TTC34: variants seen among roughly 807,000 people sequenced by gnomAD.
TTC34 encodes the protein tetratricopeptide repeat protein 34.
TTC34 carries 44 observed loss-of-function variants against 40.7 expected under a neutral mutation model. That is an observed-to-expected ratio of 1.08 (90% confidence interval 0.85 to 1.39). The LOEUF (loss-of-function observed/expected upper bound fraction) is 1.39. Among genes scored for constraint, TTC34 ranks in the 40% most tolerant of loss-of-function variants. The pLI is 0.00. For synonymous variants in TTC34, 422 were observed against 398.6 expected (o/e 1.06, Z -0.70); for missense variants, 884 against 838.0 (o/e 1.05, Z -0.68).
rs1344514981 is a variant in TTC34 at position 2,775,167 on chromosome 1, C to T, written c.2226+8442G>A. 14 of 130,040 alleles carry T rather than the reference C, an allele frequency of 1.1e-4. No individual in the cohort carries two copies. The Middle Eastern group carries it at 0.024, about 219-fold the overall frequency. The allele number at this position is 130,040 out of a possible 1,614,324, so 8.1% of individuals were successfully genotyped here. On this transcript the variant is annotated intron_variant, in intron 6 of 8. Coordinates refer to ENST00000401095, the Ensembl canonical transcript of TTC34. ...CCCACTCTTCCAGGTGAGAATCTGA[C>T]GCATAAAACAGCACCCTGCAACCCC...
chr1:2,641,198 T>TGTGGGGAGGGTTGGGAAGGGGTG, exon 9 of TTC34: 1 of 309,624 alleles, frequency 3.2e-6, no homozygotes, highest in South Asian at 7.4e-5. Context: ...GGAAGGGGGG[T>TGTGGGGAGGGTTGGGAAGGGGTG]TGTGGGGAGG....
chr1:2,677,718 A>G (rs1570793106), intron 6 of TTC34, among the ~76,000 whole-genome samples: 91 of 149,078 alleles, frequency 6.1e-4, no homozygotes, highest in South Asian at 8.5e-4. Flanking sequence ...ACAGCCTGGA[A>G]CAGCACCCTG....
chr1:2,749,504 GCCTGGAGCAGCACCCAGATTC>G (rs1641248268), intron 6 of TTC34, among the ~76,000 whole-genome samples: 2 of 67,554 alleles, frequency 3.0e-5, no homozygotes, highest in Non-Finnish European at 2.6e-5. Context: ...GCATTGGACA[GCCTGGAGCAGCACCCAGATTC>G]CCAGGCAAGC....
intron 6 of TTC34, among the ~76,000 whole-genome samples, chr1:2,684,856 C>G (rs1320100748): frequency 6.0e-5 from 7 of 116,160 alleles, no homozygotes; most frequent in Non-Finnish European, 1.0e-4. Context: ...GAGCATCTGA[C>G]AGCCTGGAGC....
chr1:2,652,065 C>T (rs55738582), intron 6 of TTC34, among the ~76,000 whole-genome samples: 4 of 32,346 alleles, frequency 1.2e-4, no homozygotes, highest in Admixed American at 3.6e-4. Context: ...CATCTGACAG[C>T]CTGGAGGAGC....
intron 6 of TTC34, among the ~76,000 whole-genome samples, chr1:2,779,053 C>T (rs777625151): frequency 3.3e-5 from 5 of 152,186 alleles, no homozygotes; most frequent in South Asian, 2.1e-4. Context: ...TTTTGCTGAG[C>T]ACAATGTCCT....
intron 6 of TTC34, among the ~76,000 whole-genome samples, chr1:2,684,538 C>G (rs1048712293): frequency 7.0e-6 from 1 of 142,596 alleles, no homozygotes; most frequent in Non-Finnish European, 1.5e-5. Flanking sequence ...CATCCGACAT[C>G]CTGAAACAGC....
chr1:2,791,875 C>G (rs984027028), intron 2 of TTC34, among the ~76,000 whole-genome samples: 4 of 151,942 alleles, frequency 2.6e-5, no homozygotes, highest in African/African-American at 9.7e-5. Context: ...GGTCACCCAG[C>G]CTCTGTTCAT....
exon 6 of TTC34, chr1:2,783,699 G>A (rs780693987): frequency 2.0e-5 from 31 of 1,545,428 alleles, no homozygotes; most frequent in Admixed American, 7.9e-5. Flanking sequence ...TGTTGAAGTC[G>A]AACATGGCCG....
rs747631610 is a variant in TTC34, at chr1:2,783,768, C to T, written c.2067G>A (p.Gln689=). The T allele has an allele frequency of 2.7e-6, 4 of 1,505,874 alleles. No individual in the cohort carries two copies. In the South Asian group the frequency reaches 5.2e-5, roughly 20 times the overall value. The allele number at this position is 1,505,874 out of a possible 1,614,324, so 93.3% of individuals were successfully genotyped here. Reference sequence around the variant, plus strand: ...CTCGGGCAAGGAGGGACTCACTTGCCTGGCTTCCTGCAGGAAGACGGCATG... The same window carrying T: ...CTCGGGCAAGGAGGGACTCACTTGCTTGGCTTCCTGCAGGAAGACGGCATG... The change falls in exon 6 of 9, where the codon CAG becomes CAA. Residue 689 remains glutamine, a synonymous_variant. Coordinates refer to ENST00000401095, the Ensembl canonical transcript of TTC34.
chr1:2,685,215 G>C (rs1267432685), intron 6 of TTC34, among the ~76,000 whole-genome samples: 2 of 136,450 alleles, frequency 1.5e-5, no homozygotes, highest in Admixed American at 7.5e-5. Flanking sequence ...GTGAGCATCT[G>C]ACATCGTGGA....
intron 6 of TTC34, among the ~76,000 whole-genome samples, chr1:2,648,108 G>A (rs767382295): frequency 1.3e-5 from 2 of 151,928 alleles, no homozygotes; most frequent in African/African-American, 2.4e-5. Context: ...AAAAGCCCCT[G>A]TGTGTAAATT....
At chr1:2,692,296 C>A (rs1191752218) in intron 6 of TTC34, among the ~76,000 whole-genome samples, 1 of 73,952 alleles carries the variant, frequency 1.4e-5, no homozygotes, top group African/African-American at 4.4e-5. Context: ...CCTGGAGCAG[C>A]AGGCACACCC....
At chr1:2,758,434 C>A (rs1260054495) in intron 6 of TTC34, among the ~76,000 whole-genome samples, 1 of 84,356 alleles carries the variant, frequency 1.2e-5, no homozygotes, top group Non-Finnish European at 2.1e-5. Flanking sequence ...CAGCTCCCTG[C>A]ACCCCCAGGT....
At chr1:2,752,355 G>T (rs1393498917) in intron 6 of TTC34, among the ~76,000 whole-genome samples, 18 of 128,434 alleles carry the variant, frequency 1.4e-4, no homozygotes, top group South Asian at 5.5e-4. Flanking sequence ...CTGACCGCCT[G>T]GAACAGCACC....
At chr1:2,760,500 T>C (rs1373549853) in intron 6 of TTC34, among the ~76,000 whole-genome samples, 1 of 49,568 alleles carries the variant, frequency 2.0e-5, no homozygotes, top group Non-Finnish European at 3.1e-5. Flanking sequence ...GGTGAGCATC[T>C]GACAGCCTGG....
In TTC34 at chr1:2,750,447, C is replaced by T. The variant is rs1444030754; in HGVS notation, c.2226+33162G>A. ...ACAGCCTGTAACAGCACCCACACAC[C>T]CAGGCGAGTATCTGACGGCCTGGAA... On this transcript the variant is annotated intron_variant, in intron 6 of 8. Coordinates refer to ENST00000401095, the Ensembl canonical transcript of TTC34. Among the ~76,000 whole-genome samples, 26 of 112,994 alleles carry T rather than the reference C, an allele frequency of 2.3e-4. 9 individuals carry two copies. In the East Asian group the frequency reaches 5.6e-3, roughly 24 times the overall value. The allele number at this position is 112,994 out of a possible 152,430, so 74.1% of individuals were successfully genotyped here.
At position 2,656,319 on chromosome 1, in the gene TTC34, T is replaced by A. The variant is rs1639342496; in HGVS notation, c.2227-10756A>T. ...ACCCCCAGGCGAGCATCTGACAGCATGCAACAGCACTCACACCCCCAGGTG... is the reference window on the plus strand; with the variant it reads ...ACCCCCAGGCGAGCATCTGACAGCAAGCAACAGCACTCACACCCCCAGGTG... On this transcript the variant is annotated intron_variant, in intron 6 of 8. Transcript: ENST00000401095. 4.1e-5 allele frequency among the ~76,000 whole-genome samples: 6 copies of A among 147,494 alleles called. No homozygotes were observed. The South Asian group carries it at 1.1e-3, about 27-fold the overall frequency.
At chr1:2,764,222 A>C (rs1448065502) in intron 6 of TTC34, among the ~76,000 whole-genome samples, 91,308 of 140,810 alleles carry the variant, frequency 0.65, 30,177 homozygotes, top group African/African-American at 0.83. Context: ...GCATCCACAC[A>C]CCCAGGCGAG....
Sources: gnomAD v4.1 joint callset for allele counts (sites outside exome capture counted in the v4.1 genomes callset) on GRCh38, gnomAD v4.1.1 for gene constraint, MANE v1.5 for transcripts, NCBI Gene and HGNC (gene_info 2026-07-23, HGNC 2026-07-21) for gene names.